The following ANKRD11 variants were observed in gnomAD, a reference collection of about 807,000 sequenced individuals.
ANKRD11 encodes the protein ankyrin repeat domain 11.
In ANKRD11, 17 loss-of-function variants were observed where a neutral mutation model predicts 195.7. The observed-to-expected ratio is 0.09, with a 90% CI of 0.06 to 0.13. ANKRD11 has a LOEUF of 0.13. Among genes scored for constraint, ANKRD11 ranks in the 10% least tolerant of loss-of-function variants. The pLI is 1.00. For synonymous variants in ANKRD11, 1,953 were observed against 1,528.1 expected (o/e 1.28, Z -6.49); for missense variants, 3,735 against 3,566.1 (o/e 1.05, Z -1.21).
intron 1 of ANKRD11, among the ~76,000 whole-genome samples, chr16:89,447,804 CTTTT>C (rs753581064): frequency 1.5e-5 from 2 of 135,276 alleles, no homozygotes; most frequent in Non-Finnish European, 3.2e-5. Context: ...ATAACTTTTT[CTTTT>C]TTTTTTTTTT....
At chr16:89,275,841 C>T (rs1050783762) in intron 9 of ANKRD11, among the ~76,000 whole-genome samples, 28 of 152,148 alleles carry the variant, frequency 1.8e-4, no homozygotes, top group Admixed American at 1.6e-3. Context: ...TAAAGACAGC[C>T]GAGACCATCA....
chr16:89,276,528 A>C (rs1213289428), intron 9 of ANKRD11, among the ~76,000 whole-genome samples: 2 of 152,150 alleles, frequency 1.3e-5, no homozygotes, highest in Non-Finnish European at 2.9e-5. Flanking sequence ...CCTGCCTAAG[A>C]AGCATCATCG....
intron 1 of ANKRD11, among the ~76,000 whole-genome samples, chr16:89,488,299 C>T (rs954217997): frequency 6.6e-6 from 1 of 152,044 alleles, no homozygotes; most frequent in African/African-American, 2.4e-5. Context: ...ATTCAGATGG[C>T]CAGCCTATCG....
chr16:89,438,101 T>C (rs2043291048), intron 1 of ANKRD11, among the ~76,000 whole-genome samples: 1 of 152,188 alleles, frequency 6.6e-6, no homozygotes, highest in South Asian at 2.1e-4. Flanking sequence ...ACCGCAAGCT[T>C]GGACACAGCA....
At chr16:89,444,231 C>T (rs1035215126) in intron 1 of ANKRD11, among the ~76,000 whole-genome samples, 1 of 151,918 alleles carries the variant, frequency 6.6e-6, no homozygotes, top group African/African-American at 2.4e-5. Flanking sequence ...ACTCTGTATG[C>T]CCTTCCAGGT....
chr16:89,338,332 AG>A (rs1349119925), intron 2 of ANKRD11, among the ~76,000 whole-genome samples: 2 of 151,770 alleles, frequency 1.3e-5, no homozygotes, highest in African/African-American at 4.8e-5. Context: ...ACCTGCTTAC[AG>A]GGGTGCTGAC....
At chr16:89,438,324 A>ATTT (rs11435696) in intron 1 of ANKRD11, among the ~76,000 whole-genome samples, 9 of 149,166 alleles carry the variant, frequency 6.0e-5, no homozygotes, top group African/African-American at 2.2e-4. Context: ...GATAGGGAAC[A>ATTT]TTTTTTTTTT....
At chr16:89,303,057 C>T (rs1015653463) in intron 4 of ANKRD11, among the ~76,000 whole-genome samples, 6 of 152,182 alleles carry the variant, frequency 3.9e-5, no homozygotes, top group Non-Finnish European at 7.4e-5. Flanking sequence ...CATGATGAAA[C>T]GGCCACCACA....
intron 11 of ANKRD11, 197 bp from the exon 12 acceptor site, chr16:89,271,106 A>C: frequency 4.8e-6 from 3 of 628,594 alleles, no homozygotes; most frequent in East Asian, 2.9e-5. Flanking sequence ...GCCTCCCTAA[A>C]ATGCGCGTGG....
At chr16:89,309,144 C>T (rs761747829) in intron 3 of ANKRD11, among the ~76,000 whole-genome samples, 23 of 152,240 alleles carry the variant, frequency 1.5e-4, no homozygotes, top group Non-Finnish European at 2.8e-4. Context: ...GTCAGGCCCA[C>T]ACACTGAGCC....
intron 4 of ANKRD11, among the ~76,000 whole-genome samples, chr16:89,292,823 G>A (rs1339464134): frequency 6.6e-6 from 1 of 152,262 alleles, no homozygotes; most frequent in Non-Finnish European, 1.5e-5. Context: ...TTAGCAGTGA[G>A]CTTGGGTCAC....
intron 2 of ANKRD11, among the ~76,000 whole-genome samples, chr16:89,415,829 C>CAAAAACAAAAAAAAAAAAAAAAAAAAA (rs2042278372): frequency 2.5e-5 from 1 of 39,744 alleles, no homozygotes. Context: ...GACTCTGTCT[C>CAAAAACAAAAAAAAAAAAAAAAAAAAA]AAAAAAAAAA....
At chr16:89,459,513 T>G (rs532107631) in intron 1 of ANKRD11, 2 of 152,350 alleles carry the variant, frequency 1.3e-5, no homozygotes, top group East Asian at 3.9e-4. Flanking sequence ...AGTTTTTTAT[T>G]TCCAACCTTA....
At chr16:89,444,158 G>C (rs900445467) in intron 1 of ANKRD11, among the ~76,000 whole-genome samples, 1 of 152,012 alleles carries the variant, frequency 6.6e-6, no homozygotes, top group African/African-American at 2.4e-5. Flanking sequence ...TAAAATACTA[G>C]TAAGACTCAA....
In ANKRD11 at chr16:89,280,323, C is replaced by T. The variant is rs748531282; in HGVS notation, c.6219G>A (p.Pro2073=). Reference sequence around the variant, plus strand: ...CGGGGGCCACGTCCAGCGGGGCTTCCGGAAGTGACTTGCAGTTGCTGAAGA... The same window carrying T: ...CGGGGGCCACGTCCAGCGGGGCTTCTGGAAGTGACTTGCAGTTGCTGAAGA... ...ESFFSNCKSL[P]EAPLDVAPEP... The change falls in exon 9 of 13, where the codon CCG becomes CCA. Residue 2073 remains proline, a synonymous_variant. Transcript: ENST00000301030. The T allele has an allele frequency of 8.2e-6, 13 of 1,585,684 alleles. No homozygotes were observed. The highest frequency in any genetic ancestry group is 3.4e-5 in the South Asian group (3 of 89,032).
rs143944076 is a variant in ANKRD11 at position 89,404,162 on chromosome 16, C to T, written c.-60+14122G>A. Among the ~76,000 whole-genome samples the T allele has an allele frequency of 8.5e-5, 13 of 152,286 alleles. No individual in the cohort carries two copies. In the East Asian group the frequency reaches 2.5e-3, roughly 29 times the overall value. Reference sequence around the variant, plus strand: ...CACCAACAGACAGTCATGGACACAGCCCACAGGTGGCTCGACCCACCAGCC... The same window carrying T: ...CACCAACAGACAGTCATGGACACAGTCCACAGGTGGCTCGACCCACCAGCC... On this transcript the variant is annotated intron_variant, in intron 2 of 12. Transcript: ENST00000301030.
chr16:89,472,635 C>G (rs779112032), intron 1 of ANKRD11, among the ~76,000 whole-genome samples: 5 of 152,190 alleles, frequency 3.3e-5, no homozygotes, highest in African/African-American at 1.2e-4. Context: ...CCAGCTTATT[C>G]CATTCTAATG....
chr16:89,330,793 TG>T, intron 2 of ANKRD11, among the ~76,000 whole-genome samples: 1 of 151,788 alleles, frequency 6.6e-6, no homozygotes, highest in South Asian at 2.1e-4. Flanking sequence ...CAGAGAACGG[TG>T]CTCCACTTCT....
chr16:89,312,978 G>A (rs990359959), intron 3 of ANKRD11, among the ~76,000 whole-genome samples: 6 of 152,310 alleles, frequency 3.9e-5, no homozygotes, highest in African/African-American at 1.2e-4. Context: ...AGACTGGGGG[G>A]GTTTCTGCTG....
Sources: allele counts gnomAD v4.1 joint callset (sites outside exome capture counted in the v4.1 genomes callset), GRCh38; gene constraint gnomAD v4.1.1; transcripts MANE v1.5; gene names NCBI Gene and HGNC (gene_info 2026-07-23, HGNC 2026-07-21).